Variants in CDH18 observed in about 807,000 individuals in gnomAD.
The protein encoded by CDH18 is cadherin-18.
CDH18 carries 31 observed loss-of-function variants against 67.9 expected under a neutral mutation model. That is an observed-to-expected ratio of 0.46 (90% CI 0.34 to 0.62). CDH18 has a LOEUF of 0.62. CDH18 is among the 20% of genes least tolerant of loss of function. The pLI is 0.01. For missense variants in CDH18, 890 were observed against 975.5 expected (o/e 0.91, Z 1.17); for synonymous variants, 362 against 347.2 (o/e 1.04, Z -0.48).
intron 1 of CDH18, among the ~76,000 whole-genome samples, chr5:20,316,704 T>C (rs1306093944): frequency 6.6e-6 from 1 of 151,974 alleles, no homozygotes; most frequent in African/African-American, 2.4e-5. Context: ...AGAAGAGAGA[T>C]ATGATAGTAA....
At chr5:20,547,289 C>T (rs893326809) in intron 1 of CDH18, among the ~76,000 whole-genome samples, 6 of 151,900 alleles carry the variant, frequency 3.9e-5, no homozygotes, top group Non-Finnish European at 8.8e-5. Context: ...ACTGGCCAGG[C>T]ATGGTGCTCA....
At chr5:19,812,687 A>C (rs1334744168) in intron 3 of CDH18, among the ~76,000 whole-genome samples, 1 of 152,170 alleles carries the variant, frequency 6.6e-6, no homozygotes, top group Non-Finnish European at 1.5e-5. Flanking sequence ...AATGCATTAA[A>C]AATTACAGTA....
intron 9 of CDH18, among the ~76,000 whole-genome samples, chr5:19,524,013 A>T (rs1478762157): frequency 1.3e-5 from 2 of 152,076 alleles, no homozygotes; most frequent in African/African-American, 4.8e-5. Flanking sequence ...AAATTTTGTA[A>T]AAATAGAAAA....
At position 20,409,590 on chromosome 5, in the gene CDH18, C is replaced by A. The variant is rs1465635255; in HGVS notation, c.-579-154085G>T. 2.0e-5 allele frequency among the ~76,000 whole-genome samples: 3 copies of A among 151,514 alleles called. No homozygotes were observed. The East Asian group carries it at 5.8e-4, about 29-fold the overall frequency. On this transcript the variant is annotated intron_variant, in intron 1 of 14. Transcript: ENST00000507958. ...TAAAGATCTTAAATAAACAACCTAA[C>A]TTTACATCTCAACAAACAAGAAAAA... is the stretch of plus-strand genomic sequence containing the variant.
intron 2 of CDH18, among the ~76,000 whole-genome samples, chr5:19,965,064 T>C (rs1348055192): frequency 6.6e-6 from 1 of 152,190 alleles, no homozygotes; most frequent in East Asian, 1.9e-4. Flanking sequence ...TAAAGGAATA[T>C]TTATCAAAGT....
At chr5:19,531,792 C>T (rs1748662494) in intron 9 of CDH18, among the ~76,000 whole-genome samples, 1 of 152,102 alleles carries the variant, frequency 6.6e-6, no homozygotes. Flanking sequence ...AAAAATTAGC[C>T]AGGTGTGGCT....
intron 2 of CDH18, among the ~76,000 whole-genome samples, chr5:20,194,695 C>T (rs778349071): frequency 6.6e-6 from 1 of 151,662 alleles, no homozygotes; most frequent in African/African-American, 2.4e-5. Context: ...GCATCTTGAC[C>T]ATCTAGATGT....
At chr5:19,827,203 C>A (rs1581530334) in intron 3 of CDH18, among the ~76,000 whole-genome samples, 2 of 152,024 alleles carry the variant, frequency 1.3e-5, no homozygotes. Flanking sequence ...TATAAATACA[C>A]CAAACAGGAT....
intron 1 of CDH18, among the ~76,000 whole-genome samples, chr5:20,275,992 G>A (rs2126680173): frequency 6.6e-6 from 1 of 152,282 alleles, no homozygotes; most frequent in African/African-American, 2.4e-5. Flanking sequence ...ATTTAGACCA[G>A]CCCTAGCCAG....
At chr5:20,329,158 TGCA>T (rs2150021867) in intron 1 of CDH18, among the ~76,000 whole-genome samples, 1 of 152,270 alleles carries the variant, frequency 6.6e-6, no homozygotes, top group Non-Finnish European at 1.5e-5. Context: ...AATGAGGAGT[TGCA>T]AATGAACTGG....
chr5:20,115,386 C>T (rs1747813058), intron 2 of CDH18, among the ~76,000 whole-genome samples: 1 of 141,466 alleles, frequency 7.1e-6, no homozygotes, highest in African/African-American at 2.6e-5. Flanking sequence ...TCAAGCAATT[C>T]TCCTGCCTCA....
chr5:20,077,731 G>A (rs527396240), intron 2 of CDH18, among the ~76,000 whole-genome samples: 2 of 152,154 alleles, frequency 1.3e-5, no homozygotes, highest in South Asian at 2.1e-4. Flanking sequence ...AATTAAAAAA[G>A]TACTATGTAT....
At chr5:19,689,875 A>C (rs1025182557) in intron 5 of CDH18, among the ~76,000 whole-genome samples, 5 of 151,882 alleles carry the variant, frequency 3.3e-5, no homozygotes, top group Admixed American at 3.3e-4. Flanking sequence ...CAAGAAATTC[A>C]CTTCACCTGT....
At chr5:20,235,042 A>G (rs1213592800) in intron 2 of CDH18, among the ~76,000 whole-genome samples, 2 of 152,110 alleles carry the variant, frequency 1.3e-5, no homozygotes, top group Admixed American at 6.6e-5. Context: ...TAGAATAAAG[A>G]TAACATATTA....
At chr5:19,499,677 T>C (rs558151909) in intron 11 of CDH18, among the ~76,000 whole-genome samples, 8 of 152,284 alleles carry the variant, frequency 5.3e-5, no homozygotes, top group African/African-American at 1.4e-4. Context: ...AGCATTTTTG[T>C]CATAATTTAT....
At chr5:20,106,063 T>C (rs575223128) in intron 2 of CDH18, among the ~76,000 whole-genome samples, 207 of 152,196 alleles carry the variant, frequency 1.4e-3, no homozygotes, top group Non-Finnish European at 1.4e-3. Context: ...GATTTCATTG[T>C]ATTCCTTTGC....
intron 1 of CDH18, among the ~76,000 whole-genome samples, chr5:20,272,412 A>C (rs1313995420): frequency 6.6e-6 from 1 of 152,016 alleles, no homozygotes; most frequent in Admixed American, 6.6e-5. Context: ...TTGGGAGGGA[A>C]GGCTTTGACA....
At chr5:20,468,726 T>G (rs2150235212) in intron 1 of CDH18, among the ~76,000 whole-genome samples, 1 of 152,328 alleles carries the variant, frequency 6.6e-6, no homozygotes, top group Middle Eastern at 3.4e-3. Flanking sequence ...ATGTCAAAGT[T>G]AGATGAGTCA....
chr5:19,709,845 A>G (rs529015352), intron 5 of CDH18, among the ~76,000 whole-genome samples: 11 of 152,218 alleles, frequency 7.2e-5, no homozygotes, highest in Admixed American at 3.3e-4. Flanking sequence ...CCTTAAAACC[A>G]TAAGTTTGGC....
Sources: allele counts gnomAD v4.1 joint callset (sites outside exome capture counted in the v4.1 genomes callset), GRCh38; gene constraint gnomAD v4.1.1; transcripts MANE v1.5; gene names NCBI Gene and HGNC (gene_info 2026-07-23, HGNC 2026-07-21).